The following ALK variants were observed in gnomAD, a reference collection of about 807,000 sequenced individuals.
ALK encodes the protein ALK receptor tyrosine kinase.
Under a neutral mutation model 163.1 loss-of-function variants are expected in ALK, and 74 were observed. The ratio of observed to expected loss-of-function variants is 0.45; its 90% CI spans 0.38 to 0.55. The LOEUF (loss-of-function observed/expected upper bound fraction) is 0.55, where lower values mean the gene tolerates loss of function less well. Among genes scored for constraint, ALK ranks in the 20% least tolerant of loss-of-function variants. The probability of loss-of-function intolerance (pLI) is 0.00; values close to 1 mark genes in which losing one functional copy is unlikely to be tolerated. For synonymous variants in ALK, 960 were observed against 843.2 expected (o/e 1.14, Z -2.40); for missense variants, 2,063 against 2,105.3 (o/e 0.98, Z 0.39).
chr2:29,474,335 C>T (rs1219851114), intron 4 of ALK, among the ~76,000 whole-genome samples: 1 of 152,098 alleles, frequency 6.6e-6, no homozygotes, highest in African/African-American at 2.4e-5. Flanking sequence ...ACTGTAATGA[C>T]TGGGAGGGGG....
At chr2:29,853,043 T>C (rs1666045049) in intron 1 of ALK, among the ~76,000 whole-genome samples, 1 of 152,158 alleles carries the variant, frequency 6.6e-6, no homozygotes, top group Non-Finnish European at 1.5e-5. Flanking sequence ...TATTTTGTTA[T>C]AGCAACCCAA....
intron 1 of ALK, among the ~76,000 whole-genome samples, chr2:29,800,860 T>C (rs1664449123): frequency 6.6e-6 from 1 of 152,214 alleles, no homozygotes; most frequent in South Asian, 2.1e-4. Context: ...ATTTACAGTA[T>C]AGTCATTTGT....
rs1668617102 is a variant in ALK at position 29,370,712 on chromosome 2, AT to A, written c.1282+13019del. Among the ~76,000 whole-genome samples, 8 of 152,260 alleles carry A rather than the reference AT, an allele frequency of 5.3e-5. No homozygotes were observed. In the South Asian group the frequency reaches 1.7e-3, roughly 32 times the overall value. On this transcript the variant is annotated intron_variant, in intron 5 of 28. Coordinates refer to ENST00000389048, the MANE Select transcript of ALK (RefSeq NM_004304.5). Reference sequence around the variant, plus strand: ...GCCATGTGGCTGGCCCTTCCTGTTAATTAGAGCAGAAAGGCATCCTAGTGGG... The same window carrying A: ...GCCATGTGGCTGGCCCTTCCTGTTAATAGAGCAGAAAGGCATCCTAGTGGG...
At position 29,534,421 on chromosome 2, in the gene ALK, G is replaced by A. The variant is rs139019588; in HGVS notation, c.953-2305C>T. On this transcript the variant is annotated intron_variant, in intron 3 of 28. Coordinates refer to ENST00000389048, the MANE Select transcript of ALK (RefSeq NM_004304.5). ...CTGTGCAGAGCACGTGAGGACCCTG[G>A]AAGTATCTCTGGGGACAGAGTCTTG... is the stretch of plus-strand genomic sequence containing the variant. Among the ~76,000 whole-genome samples the A allele has an allele frequency of 9.0e-3, 1,369 of 152,302 alleles. 12 individuals are homozygous for A. The highest frequency in any genetic ancestry group is 0.012 in the Non-Finnish European group (804 of 68,024).
intron 1 of ALK, among the ~76,000 whole-genome samples, chr2:29,862,346 T>G (rs1666317487): frequency 1.3e-5 from 2 of 151,946 alleles, no homozygotes; most frequent in South Asian, 4.1e-4. Context: ...AGGAAAAAAA[T>G]AAGTTAAATT....
intron 4 of ALK, among the ~76,000 whole-genome samples, chr2:29,514,134 G>GCCAT (rs368689882): frequency 0.021 from 2,880 of 136,352 alleles, 131 homozygotes; most frequent in African/African-American, 0.078. Flanking sequence ...ATTTGACCCA[G>GCCAT]CCATCCCATT....
intron 1 of ALK, among the ~76,000 whole-genome samples, chr2:29,895,523 G>A (rs554436682): frequency 1.2e-4 from 18 of 152,180 alleles, no homozygotes; most frequent in African/African-American, 3.9e-4. Context: ...GCTATACTAT[G>A]GTCCAGCACC....
chr2:29,263,975 G>A (rs957275273), intron 11 of ALK, among the ~76,000 whole-genome samples: 1 of 152,204 alleles, frequency 6.6e-6, no homozygotes. Context: ...CCAGCTACTT[G>A]CAATGAAACA....
At chr2:29,834,704 G>T (rs6747958) in intron 1 of ALK, among the ~76,000 whole-genome samples, 17,483 of 152,164 alleles carry the variant, frequency 0.11, 1,257 homozygotes, top group South Asian at 0.21. Flanking sequence ...AGGAGGAAAA[G>T]AAAATGAGGG....
intron 4 of ALK, among the ~76,000 whole-genome samples, chr2:29,519,435 G>C (rs1311547633): frequency 6.6e-6 from 1 of 152,208 alleles, no homozygotes; most frequent in Non-Finnish European, 1.5e-5. Context: ...TTGTGAAATT[G>C]GAGAGGCAGT....
chr2:29,379,413 C>T lies in ALK; in HGVS notation c.1282+4319G>A, dbSNP rs112816549. ...TCAACATGTATTCGTGTGGTGTTTTCTGTGTGTTTAGCACCATGCTAGCTG... is the reference window on the plus strand; with the variant it reads ...TCAACATGTATTCGTGTGGTGTTTTTTGTGTGTTTAGCACCATGCTAGCTG... On this transcript the variant is annotated intron_variant, in intron 5 of 28. Transcript: ENST00000389048. Among the ~76,000 whole-genome samples, 815 of 152,298 alleles carry T rather than the reference C, an allele frequency of 5.4e-3. 3 individuals are homozygous for T. The highest frequency in any genetic ancestry group is 7.4e-3 in the Non-Finnish European group (503 of 68,022).
At chr2:29,200,827 GTATA>G (rs555045955) in intron 26 of ALK, among the ~76,000 whole-genome samples, 2 of 106,600 alleles carry the variant, frequency 1.9e-5, no homozygotes. Flanking sequence ...ACATATATAC[GTATA>G]TATATGTGTG....
At chr2:29,524,566 A>G (rs896575700) in intron 4 of ALK, among the ~76,000 whole-genome samples, 6 of 152,372 alleles carry the variant, frequency 3.9e-5, no homozygotes, top group Admixed American at 1.3e-4. Flanking sequence ...ATCATAGTAA[A>G]GGTGAAATGA....
At chr2:29,443,693 T>G (rs1670601050) in intron 4 of ALK, among the ~76,000 whole-genome samples, 1 of 152,172 alleles carries the variant, frequency 6.6e-6, no homozygotes, top group African/African-American at 2.4e-5. Flanking sequence ...CACCACTGGC[T>G]CACTCACCCT....
intron 1 of ALK, among the ~76,000 whole-genome samples, chr2:29,856,228 G>A (rs1452579867): frequency 6.6e-6 from 1 of 152,156 alleles, no homozygotes; most frequent in Non-Finnish European, 1.5e-5. Context: ...TCGGACAAAT[G>A]ACTTAACAGG....
intron 3 of ALK, among the ~76,000 whole-genome samples, chr2:29,587,871 C>A (rs1050982828): frequency 6.6e-6 from 1 of 152,108 alleles, no homozygotes; most frequent in Non-Finnish European, 1.5e-5. Flanking sequence ...ACAGTGAAGG[C>A]CTGGTTCAGG....
At chr2:29,637,662 T>C (rs868561992) in intron 3 of ALK, among the ~76,000 whole-genome samples, 8 of 141,214 alleles carry the variant, frequency 5.7e-5, no homozygotes, top group African/African-American at 2.3e-4. Context: ...TGAGCCGACA[T>C]TGCACCGCCG....
chr2:29,672,463 G>T (rs6547969), intron 3 of ALK, among the ~76,000 whole-genome samples: 1 of 149,456 alleles, frequency 6.7e-6, no homozygotes, highest in African/African-American at 2.5e-5. Context: ...TACTGAGAAT[G>T]ATGATTTCCA....
Position 29,676,270 on chromosome 2 carries a change from C to T in ALK, c.952+18580G>A, listed in dbSNP as rs190115389. The stretch of plus-strand genomic sequence containing the variant: ...AGCATCATACCTAAAAACGTTTTTC[C>T]CCACCCAAGGTCACAAAGATGTTCT... On this transcript the variant is annotated intron_variant, in intron 3 of 28. Coordinates refer to ENST00000389048, the MANE Select transcript of ALK (RefSeq NM_004304.5). Among the ~76,000 whole-genome samples the T allele has an allele frequency of 2.8e-4, 42 of 152,050 alleles. No individual in the cohort carries two copies. In the East Asian group the frequency reaches 5.6e-3, roughly 20 times the overall value.
Sources: allele counts gnomAD v4.1 joint callset (sites outside exome capture counted in the v4.1 genomes callset), GRCh38; gene constraint gnomAD v4.1.1; transcripts MANE v1.5; gene names NCBI Gene and HGNC (gene_info 2026-07-23, HGNC 2026-07-21).